TENM3: variants seen among roughly 807,000 people sequenced by gnomAD.
TENM3 encodes teneurin transmembrane protein 3.
TENM3 carries 63 observed loss-of-function variants against 255.1 expected under a neutral mutation model. The observed-to-expected ratio is 0.25, with a 90% CI of 0.20 to 0.30. The LOEUF (loss-of-function observed/expected upper bound fraction) is 0.30, where lower values mean the gene tolerates loss of function less well. TENM3 is among the 10% of genes least tolerant of loss of function. The probability of loss-of-function intolerance (pLI) is 1.00; values close to 1 mark genes in which losing one functional copy is unlikely to be tolerated. For missense variants in TENM3, 2,929 were observed against 3,461.1 expected (o/e 0.85, Z 3.86); for synonymous variants, 1,306 against 1,322.3 (o/e 0.99, Z 0.27).
chr4:182,536,855 A>G (rs1278547233), intron 3 of TENM3, among the ~76,000 whole-genome samples: 1 of 152,124 alleles, frequency 6.6e-6, no homozygotes, highest in Non-Finnish European at 1.5e-5. Flanking sequence ...GTAATATTAG[A>G]TATTTCATTT....
At chr4:182,229,690 A>G (rs1261330468) in intron 1 of TENM3, among the ~76,000 whole-genome samples, 4 of 152,090 alleles carry the variant, frequency 2.6e-5, no homozygotes, top group African/African-American at 9.7e-5. Flanking sequence ...AAAGAGTTTC[A>G]AAAGATGACT....
At chr4:182,328,436 G>A (rs1204873075) in intron 2 of TENM3, among the ~76,000 whole-genome samples, 3 of 151,982 alleles carry the variant, frequency 2.0e-5, no homozygotes, top group Admixed American at 6.6e-5. Flanking sequence ...GGCTGGTCTC[G>A]AACTCCTGAC....
intron 9 of TENM3, 88 bp downstream of exon 9, chr4:182,680,437 A>AGAG (rs1554014058): frequency 2.1e-4 from 235 of 1,114,732 alleles, no homozygotes; most frequent in Non-Finnish European, 2.8e-4. Context: ...CAGGAAAGAA[A>AGAG]GGGGGGGGGA....
At chr4:182,624,866 A>G (rs1200414984) in intron 4 of TENM3, among the ~76,000 whole-genome samples, 1 of 152,232 alleles carries the variant, frequency 6.6e-6, no homozygotes, top group Admixed American at 6.5e-5. Flanking sequence ...GATTTACCGC[A>G]CAAATAAATA....
intron 1 of TENM3, among the ~76,000 whole-genome samples, chr4:182,147,745 C>T (rs1750066622): frequency 6.6e-6 from 1 of 152,090 alleles, no homozygotes; most frequent in African/African-American, 2.4e-5. Flanking sequence ...TTACCGTGGT[C>T]CATAACCAAT....
chr4:182,662,159 A>G (rs747040244), intron 6 of TENM3, among the ~76,000 whole-genome samples: 4 of 152,194 alleles, frequency 2.6e-5, no homozygotes, highest in Non-Finnish European at 4.4e-5. Context: ...ATGTGTTTTC[A>G]TATGAACTGG....
At chr4:182,471,627 C>CTGTG (rs35316767) in intron 3 of TENM3, among the ~76,000 whole-genome samples, 10,305 of 149,768 alleles carry the variant, frequency 0.069, 436 homozygotes, top group African/African-American at 0.12. Flanking sequence ...GCACATGCCT[C>CTGTG]TGTGTGTGTG....
At chr4:182,649,530 T>C (rs1434676806) in intron 5 of TENM3, among the ~76,000 whole-genome samples, 1 of 150,534 alleles carries the variant, frequency 6.6e-6, no homozygotes, top group African/African-American at 2.4e-5. Context: ...AAATTTTTCA[T>C]GATTAAATCT....
chr4:182,188,430 A>G (rs1753304933), intron 1 of TENM3, among the ~76,000 whole-genome samples: 3 of 152,178 alleles, frequency 2.0e-5, no homozygotes, highest in African/African-American at 7.2e-5. Context: ...GTCTCAGGAC[A>G]GTTGATCCCC....
chr4:182,222,516 A>G (rs1175630320), intron 1 of TENM3, among the ~76,000 whole-genome samples: 1 of 152,190 alleles, frequency 6.6e-6, no homozygotes, highest in Non-Finnish European at 1.5e-5. Context: ...TTGAAAATAT[A>G]GGAGGAAATG....
At chr4:182,392,138 A>G (rs764132906) in intron 3 of TENM3, among the ~76,000 whole-genome samples, 1 of 152,168 alleles carries the variant, frequency 6.6e-6, no homozygotes, top group Non-Finnish European at 1.5e-5. Context: ...AAATGGGGAA[A>G]AGGGCACATT....
intron 3 of TENM3, among the ~76,000 whole-genome samples, chr4:182,532,593 G>A (rs995102519): frequency 6.6e-6 from 1 of 152,080 alleles, no homozygotes; most frequent in Non-Finnish European, 1.5e-5. Context: ...TAAATTGCTC[G>A]TTTTTGATTA....
At chr4:181,555,920 A>G in the TENM3 span, among the ~76,000 whole-genome samples, 1 of 152,192 alleles carries the variant, frequency 6.6e-6, no homozygotes, top group African/African-American at 2.4e-5. Flanking sequence ...GTGAACCTAG[A>G]AGAGAGAACA....
At chr4:181,933,534 C>T in the TENM3 span, among the ~76,000 whole-genome samples, 5 of 152,084 alleles carry the variant, frequency 3.3e-5, no homozygotes, top group East Asian at 7.7e-4. Context: ...TATTCAGAGA[C>T]GTAACCAAAG....
At chr4:182,128,419 C>G in the TENM3 span, among the ~76,000 whole-genome samples, 6 of 152,088 alleles carry the variant, frequency 3.9e-5, no homozygotes, top group Non-Finnish European at 7.4e-5. Context: ...CTCAAGTGAT[C>G]CTCCCACTAC....
At chr4:182,191,133 G>C (rs1412914461) in intron 1 of TENM3, among the ~76,000 whole-genome samples, 1 of 152,138 alleles carries the variant, frequency 6.6e-6, no homozygotes, top group Non-Finnish European at 1.5e-5. Flanking sequence ...TATTAAACTT[G>C]GGTGATAAAG....
chr4:181,607,483 C>T, the TENM3 span, among the ~76,000 whole-genome samples: 3 of 150,930 alleles, frequency 2.0e-5, no homozygotes, highest in South Asian at 2.1e-4. Flanking sequence ...GGCACGATCT[C>T]GGCTCACTGC....
At chr4:182,624,481 G>A (rs1170751442) in intron 4 of TENM3, among the ~76,000 whole-genome samples, 1 of 152,134 alleles carries the variant, frequency 6.6e-6, no homozygotes, top group African/African-American at 2.4e-5. Flanking sequence ...AGCCTTCCTT[G>A]GAGTCTTGCC....
At chr4:182,690,002 G>T (rs980429825) in intron 12 of TENM3, among the ~76,000 whole-genome samples, 6 of 152,166 alleles carry the variant, frequency 3.9e-5, no homozygotes, top group African/African-American at 1.4e-4. Flanking sequence ...GGCTTCTCCA[G>T]GAGGTATCCT....
Sources: allele counts gnomAD v4.1 joint callset (sites outside exome capture counted in the v4.1 genomes callset), GRCh38; gene constraint gnomAD v4.1.1; transcripts MANE v1.5; gene names NCBI Gene and HGNC (gene_info 2026-07-23, HGNC 2026-07-21).